The following TAC1 variants were observed in gnomAD, a reference collection of about 807,000 sequenced individuals.
The protein encoded by TAC1 is protachykinin-1.
TAC1 carries 12 observed loss-of-function variants against 21.7 expected under a neutral mutation model. The observed-to-expected ratio is 0.55, with a 90% confidence interval of 0.35 to 0.89. TAC1 has a LOEUF of 0.89. TAC1 is among the 40% of genes least tolerant of loss of function. The pLI is 0.01. For missense variants in TAC1, 128 were observed against 151.4 expected (o/e 0.85, Z 0.81); for synonymous variants, 52 against 52.0 (o/e 1.00, Z 0.00).
At position 97,732,598 on chromosome 7, in the gene TAC1, TC is replaced by T; in HGVS notation, c.-9-3del. ...TTTGGTGTCTTCTCCTCCTACCCCT[TC>T]CCAGAAATCCAACATGAAAATCCTC... is the stretch of plus-strand genomic sequence containing the variant. On this transcript the variant is annotated splice_polypyrimidine_tract_variant and splice_region_variant and intron_variant, in intron 1 of 6. Transcript: ENST00000319273. The surrounding 1 kb of genome is among the most constrained non-coding windows in gnomAD (Gnocchi z 6.2). 2 of 1,614,128 alleles carry T rather than the reference TC, an allele frequency of 1.2e-6. No homozygotes were observed. The highest frequency in any genetic ancestry group is 1.7e-6 in the Non-Finnish European group (2 of 1,180,010).
At chr7:97,737,305 T>C (rs1360603773) in intron 6 of TAC1, among the ~76,000 whole-genome samples, 2 of 152,152 alleles carry the variant, frequency 1.3e-5, no homozygotes, top group Admixed American at 6.5e-5. Flanking sequence ...GCAGCTGTCT[T>C]ACCCATTTAG....
At chr7:97,734,887 A>G (rs1277228834) in intron 5 of TAC1, 38 bp downstream of exon 5, 1 of 1,461,776 alleles carries the variant, frequency 6.8e-7, no homozygotes, top group Non-Finnish European at 9.5e-7. Flanking sequence ...TCAAATTTAA[A>G]TGTAAAATTA....
Position 97,736,319 on chromosome 7 carries a change from G to T in TAC1, c.310G>T (p.Val104Phe). The T allele has an allele frequency of 1.9e-6, 3 of 1,611,684 alleles. No individual in the cohort carries two copies. Among genetic ancestry groups the T allele is most frequent in the Non-Finnish European group, 2.5e-6 (3 of 1,178,488 alleles). Residue 104 changes from valine to phenylalanine, a missense_variant, in exon 6 of 7, where the codon GTT becomes TTT. Physicochemically the swap from Val to Phe is conservative, Grantham distance 50. Transcript: ENST00000319273. Reference sequence around the variant, plus strand: ...TCCAGGACATAAAACAGATTCCTTTGTTGGACTAATGGGCAAAAGAGCTTT... The same window carrying T: ...TCCAGGACATAAAACAGATTCCTTTTTTGGACTAATGGGCAAAAGAGCTTT... Reference protein sequence around the residue: ...SHKRHKTDSFVGLMGKRALNS... With the variant: ...SHKRHKTDSFFGLMGKRALNS...
rs1269588768 is a variant in TAC1, at chr7:97,732,793, C to G, written c.123+58C>G. 9 of 1,581,648 alleles carry G rather than the reference C, an allele frequency of 5.7e-6. No homozygotes were observed. The highest frequency in any genetic ancestry group is 7.7e-6 in the Non-Finnish European group (9 of 1,164,710). On this transcript the variant is annotated intron_variant, in intron 2 of 6. Transcript: ENST00000319273. This position sits in a 1 kb window ranked among gnomAD's most constrained non-coding sequence, Gnocchi z 6.2. ...TCTTCCTGGGCTCGGGAGCTGTCACCTTCCCACGCAACAGCACCCTAGTTA... is the reference window on the plus strand; with the variant it reads ...TCTTCCTGGGCTCGGGAGCTGTCACGTTCCCACGCAACAGCACCCTAGTTA...
At chr7:97,733,010 G>C in intron 2 of TAC1, 1 of 364,348 alleles carries the variant, frequency 2.7e-6, no homozygotes. Flanking sequence ...ATCCTCACAA[G>C]GCGGGAAATC....
intron 5 of TAC1, among the ~76,000 whole-genome samples, chr7:97,735,359 G>A (rs570042363): frequency 6.6e-6 from 1 of 152,290 alleles, no homozygotes; most frequent in South Asian, 2.1e-4. Flanking sequence ...GAAGACGGTA[G>A]AGATGCAGTT....
chr7:97,733,922 C>G, intron 3 of TAC1, 103 bp downstream of exon 3: 1 of 1,170,844 alleles, frequency 8.5e-7, no homozygotes, highest in Admixed American at 2.0e-5. Context: ...GAGATTTCCA[C>G]TCCAAGAGGG....
Position 97,733,749 on chromosome 7 carries a change from T to C in TAC1, c.150T>C (p.His50=), listed in dbSNP as rs201586107. 2 of 1,614,082 alleles carry C rather than the reference T, an allele frequency of 1.2e-6. No individual in the cohort carries two copies. The highest frequency in any genetic ancestry group is 1.7e-5 in the Admixed American group (1 of 60,026). The change falls in exon 3 of 7, where the codon CAT becomes CAC. Residue 50 remains histidine (H), a synonymous_variant. Transcript: ENST00000319273. ...AGGAACTGCCGGAGCCCTTTGAGCA[T>C]CTTCTGCAGAGAATCGCCCGGAGAC... ...IKEELPEPFE[H]LLQRIARRPK...
Position 97,740,104 on chromosome 7 carries a change from T to G in TAC1, c.*184T>G. 1 of 424,684 alleles carries G rather than the reference T, an allele frequency of 2.4e-6. No individual in the cohort carries two copies. The highest frequency in any genetic ancestry group is 4.2e-6 in the Non-Finnish European group (1 of 239,602). The allele number at this position is 424,684 out of a possible 1,614,324, so 26.3% of individuals were successfully genotyped here. A position where few individuals can be genotyped will look rare whatever the true frequency, so the allele number is the denominator to read the frequency against. ...TTGTAAACATGTGTTTTAATTCCAA[T>G]ATGATGACTCCCTTAAAATAGAAAT... On this transcript the variant is annotated 3_prime_UTR_variant, in exon 7 of 7. Transcript: ENST00000319273.
At chr7:97,736,163 T>C in intron 5 of TAC1, 136 bp from the exon 6 acceptor site, 1 of 605,530 alleles carries the variant, frequency 1.7e-6, no homozygotes, top group East Asian at 3.0e-5. Flanking sequence ...CTTTATTTCT[T>C]CAGTCTCACC....
At chr7:97,734,433 T>TTC (rs542806982) in intron 4 of TAC1, 141 bp downstream of exon 4, 207 of 692,406 alleles carry the variant, frequency 3.0e-4, no homozygotes, top group East Asian at 1.7e-3. Flanking sequence ...CTCTCTCGGT[T>TTC]TCTCTCTCTC....
In TAC1 at chr7:97,732,761, G is replaced by A. The variant is rs1227178377; in HGVS notation, c.123+26G>A. On this transcript the variant is annotated intron_variant, in intron 2 of 6. Transcript: ENST00000319273. The surrounding 1 kb of genome is among the most constrained non-coding windows in gnomAD (Gnocchi z 6.2). ...GTGAGGCCCCTTCCCAGGACGGCCC[G>A]CACCCTTCTTCCTGGGCTCGGGAGC... 6.9e-6 allele frequency: 11 copies of A among 1,604,390 alleles called. No homozygotes were observed. Among genetic ancestry groups the A allele is most frequent in the Non-Finnish European group, 8.5e-6 (10 of 1,175,200 alleles).
Position 97,740,355 on chromosome 7 carries a change from T to C in TAC1, c.*435T>C, listed in dbSNP as rs1789682284. 1 of 153,450 alleles carries C rather than the reference T, an allele frequency of 6.5e-6. No individual in the cohort carries two copies. The allele number at this position is 153,450 out of a possible 1,614,324, so 9.5% of individuals were successfully genotyped here. On this transcript the variant is annotated 3_prime_UTR_variant, in exon 7 of 7. Coordinates refer to ENST00000319273, the MANE Select transcript of TAC1 (RefSeq NM_003182.3). ...ATTTGTATCTCTGAAGCATGTTTCA[T>C]GTTTTGTGACTATATAGAGATGTTT...
Position 97,739,910 on chromosome 7 carries a change from G to A in TAC1, c.380G>A (p.Arg127Lys), listed in dbSNP as rs368824040. The A allele has an allele frequency of 3.1e-6, 5 of 1,603,118 alleles. No homozygotes were observed. In the African/African-American group the frequency reaches 6.7e-5, roughly 22 times the overall value. The change falls in exon 7 of 7, where the codon AGA (arginine) becomes AAA (lysine). Residue 127 changes from arginine to lysine, a missense_variant. Coordinates refer to ENST00000319273, the MANE Select transcript of TAC1 (RefSeq NM_003182.3). ...YERSAMQNYE[R>K]RR is the part of the protein sequence containing the mutation. ...AGGAGTGCAATGCAGAATTATGAAA[G>A]AAGACGTTAATAAACTACCTAACAT...
In TAC1 at chr7:97,737,010, C is replaced by T. The variant is rs1330734760; in HGVS notation, c.343+658C>T. ...CCACAATTCTCATTTTAATTCTGAA[C>T]AACTTTTTCGTATGATATAAAGGCT... On this transcript the variant is annotated intron_variant, in intron 6 of 6. Coordinates refer to ENST00000319273, the MANE Select transcript of TAC1 (RefSeq NM_003182.3). 3.9e-5 allele frequency among the ~76,000 whole-genome samples: 6 copies of T among 151,990 alleles called. No homozygotes were observed. The East Asian group carries it at 1.2e-3, about 29-fold the overall frequency.
At position 97,739,563 on chromosome 7, in the gene TAC1, A is replaced by G. The variant is rs73709119; in HGVS notation, c.344-311A>G. 2.7e-3 allele frequency among the ~76,000 whole-genome samples: 414 copies of G among 152,176 alleles called. 1 individual carries two copies. Among genetic ancestry groups the G allele is most frequent in the African/African-American group, 9.6e-3 (399 of 41,560 alleles). ...GGCATTGTCCTTTCTAGAATTCACT[A>G]TGGGTATCTGCCACTGCTTGAGAAA... On this transcript the variant is annotated intron_variant, in intron 6 of 6. Transcript: ENST00000319273.
rs369815201 is a variant in TAC1 at position 97,732,569 on chromosome 7, T to C, written c.-9-35T>C. 46 of 1,612,258 alleles carry C rather than the reference T, an allele frequency of 2.9e-5. No individual in the cohort carries two copies. Among genetic ancestry groups the C allele is most frequent in the African/African-American group, 2.0e-4 (15 of 74,936 alleles). Reference sequence around the variant, plus strand: ...CCACCCCTAATAGATACATTATTTCTCTCTTTGGTGTCTTCTCCTCCTACC... The same window carrying C: ...CCACCCCTAATAGATACATTATTTCCCTCTTTGGTGTCTTCTCCTCCTACC... On this transcript the variant is annotated intron_variant, in intron 1 of 6. Transcript: ENST00000319273. This position sits in a 1 kb window ranked among gnomAD's most constrained non-coding sequence, Gnocchi z 6.2.
At position 97,740,050 on chromosome 7, in the gene TAC1, G is replaced by T. The variant is rs916976436; in HGVS notation, c.*130G>T. 3.1e-6 allele frequency: 2 copies of T among 643,840 alleles called. No homozygotes were observed. The highest frequency in any genetic ancestry group is 2.7e-5 in the South Asian group (1 of 37,472). The allele number at this position is 643,840 out of a possible 1,614,324, so 39.9% of individuals were successfully genotyped here. On this transcript the variant is annotated 3_prime_UTR_variant, in exon 7 of 7. Transcript: ENST00000319273. ...GTTTGGGGTTGAAAATTCAAAAAGT[G>T]TTTATTTTTCATATTGTGCCAATAT...
chr7:97,733,103 G>T (rs754456889), intron 2 of TAC1: 17 of 197,788 alleles, frequency 8.6e-5, no homozygotes, highest in Admixed American at 7.6e-4. Context: ...CACGGGCAGA[G>T]GAGGGCGCCT....
Sources: gnomAD v4.1 joint callset for allele counts (sites outside exome capture counted in the v4.1 genomes callset) on GRCh38, gnomAD v4.1.1 for gene constraint, Gnocchi (gnomAD v3.1) non-coding constraint, MANE v1.5 for transcripts, NCBI Gene and HGNC (gene_info 2026-07-23, HGNC 2026-07-21) for gene names.